Variants in DMXL1 observed in about 807,000 individuals in gnomAD.
DMXL1 encodes dmX-like protein 1.
Under a neutral mutation model 319.2 loss-of-function variants are expected in DMXL1, and 99 were observed. The observed-to-expected ratio is 0.31, with a 90% CI of 0.26 to 0.37. DMXL1 has a LOEUF of 0.37. Among genes scored for constraint, DMXL1 ranks in the 10% least tolerant of loss-of-function variants. DMXL1 has a pLI of 1.00. For missense variants in DMXL1, 3,745 were observed against 3,595.6 expected (o/e 1.04, Z -1.06); for synonymous variants, 1,385 against 1,235.2 (o/e 1.12, Z -2.54).
At chr5:119,118,378 A>T (rs1305343356) in intron 7 of DMXL1, among the ~76,000 whole-genome samples, 1 of 152,194 alleles carries the variant, frequency 6.6e-6, no homozygotes, top group Non-Finnish European at 1.5e-5. Flanking sequence ...TTATTAGAAG[A>T]TGTGGTTATT....
chr5:119,222,693 A>T (rs966749582), intron 37 of DMXL1, among the ~76,000 whole-genome samples: 1 of 152,138 alleles, frequency 6.6e-6, no homozygotes, highest in Admixed American at 6.5e-5. Flanking sequence ...AAAATTTCAG[A>T]TTTCCCAATA....
intron 29 of DMXL1, among the ~76,000 whole-genome samples, chr5:119,190,613 A>G (rs1198301067): frequency 6.6e-6 from 1 of 151,532 alleles, no homozygotes; most frequent in East Asian, 1.9e-4. Flanking sequence ...TGCATCCATA[A>G]AAAAAGTGAT....
intron 1 of DMXL1, among the ~76,000 whole-genome samples, chr5:119,079,665 T>G (rs1471095301): frequency 6.6e-6 from 1 of 151,824 alleles, no homozygotes; most frequent in African/African-American, 2.4e-5. Flanking sequence ...TGTACCTTGC[T>G]TTCTCTTTGG....
chr5:119,162,820 A>G (rs1028939023), intron 19 of DMXL1, among the ~76,000 whole-genome samples: 11 of 152,224 alleles, frequency 7.2e-5, no homozygotes, highest in Non-Finnish European at 2.9e-5. Context: ...ATAATAGTCC[A>G]TTCACAATGT....
chr5:119,081,173 T>A (rs1006299975), intron 1 of DMXL1, among the ~76,000 whole-genome samples: 1 of 152,144 alleles, frequency 6.6e-6, no homozygotes, highest in Non-Finnish European at 1.5e-5. Flanking sequence ...TCAGAAGAGC[T>A]CCAAGGACTA....
intron 19 of DMXL1, among the ~76,000 whole-genome samples, chr5:119,154,308 C>T (rs766529543): frequency 1.3e-5 from 2 of 152,196 alleles, no homozygotes; most frequent in African/African-American, 4.8e-5. Flanking sequence ...GAAAGCTAAG[C>T]CTCTTGTGCC....
chr5:119,108,773 T>A (rs1758913887), intron 4 of DMXL1, among the ~76,000 whole-genome samples: 1 of 151,974 alleles, frequency 6.6e-6, no homozygotes. Flanking sequence ...AATATTTGGT[T>A]GAGATCCTCA....
chr5:119,222,828 A>G (rs1784872011), intron 37 of DMXL1, among the ~76,000 whole-genome samples: 1 of 151,966 alleles, frequency 6.6e-6, no homozygotes, highest in Non-Finnish European at 1.5e-5. Flanking sequence ...TGTCTCTTGA[A>G]CTTATTAAGC....
intron 32 of DMXL1, 30 bp from the exon 33 acceptor site, chr5:119,203,289 T>G (rs1781153002): frequency 2.1e-6 from 3 of 1,407,746 alleles, no homozygotes; most frequent in East Asian, 4.8e-5. Context: ...TTCTGAAGTT[T>G]ATCATTAAAT....
rs771201006 is a variant in DMXL1 at position 119,170,602 on chromosome 5, G to C, written c.5811G>C (p.Glu1937Asp). The change falls in exon 24 of 44, where the codon GAG becomes GAC. Residue 1937 changes from glutamate to aspartate, a missense_variant. Physicochemically the swap from Glu to Asp is conservative, Grantham distance 45 (BLOSUM62 2). This residue lies in a region of DMXL1 where 1,382 missense variants were observed against 1,269.5 expected (regional missense o/e 1.09). Coordinates refer to ENST00000539542, the MANE Select transcript of DMXL1 (RefSeq NM_001290321.3). The part of the protein sequence containing the change: ...SLINGFGSSS[E>D]GSSEKQSNST... ...TAAATGGTTTTGGATCTTCTTCAGA[G>C]GGTTCCTCAGAGAAGCAATCAAACT... 6.2e-7 allele frequency: 1 copy of C among 1,613,768 alleles called. No individual in the cohort carries two copies. The highest frequency in any genetic ancestry group is 1.1e-5 in the South Asian group (1 of 91,046).
At chr5:119,105,990 T>TG (rs1758262747) in intron 4 of DMXL1, among the ~76,000 whole-genome samples, 3 of 152,182 alleles carry the variant, frequency 2.0e-5, no homozygotes, top group African/African-American at 7.2e-5. Flanking sequence ...ATGGATGGCT[T>TG]AAAACATCCA....
chr5:119,093,187 TTTTA>T (rs1218495009), intron 1 of DMXL1, among the ~76,000 whole-genome samples: 2 of 152,326 alleles, frequency 1.3e-5, no homozygotes, highest in East Asian at 3.9e-4. Context: ...TTCAAACTTT[TTTTA>T]TTATTATTTT....
chr5:119,101,705 T>A (rs1757316020), intron 2 of DMXL1, among the ~76,000 whole-genome samples: 1 of 152,184 alleles, frequency 6.6e-6, no homozygotes, highest in Non-Finnish European at 1.5e-5. Context: ...TTATGAACAC[T>A]GTAATGGAAA....
chr5:119,210,561 C>T (rs1184172399), intron 34 of DMXL1, among the ~76,000 whole-genome samples: 2 of 152,058 alleles, frequency 1.3e-5, no homozygotes, highest in Non-Finnish European at 2.9e-5. Context: ...CACTAAACTA[C>T]CTCTTTCACC....
chr5:119,142,785 C>G (rs1767702750), intron 13 of DMXL1, among the ~76,000 whole-genome samples: 1 of 152,024 alleles, frequency 6.6e-6, no homozygotes, highest in African/African-American at 2.4e-5. Context: ...TAGAATCAAC[C>G]CAAATGCCCA....
chr5:119,155,322 A>C (rs879906415), intron 19 of DMXL1, among the ~76,000 whole-genome samples: 1 of 152,204 alleles, frequency 6.6e-6, no homozygotes, highest in Non-Finnish European at 1.5e-5. Context: ...GAAAGGCTTC[A>C]CCATTCTAGA....
chr5:119,180,368 C>A (rs1776568035), intron 28 of DMXL1, among the ~76,000 whole-genome samples: 1 of 152,098 alleles, frequency 6.6e-6, no homozygotes, highest in African/African-American at 2.4e-5. Context: ...TTGTAAAATA[C>A]TGAAAATGTA....
intron 2 of DMXL1, among the ~76,000 whole-genome samples, chr5:119,098,442 T>G (rs1480526971): frequency 8.8e-6 from 1 of 114,046 alleles, no homozygotes; most frequent in African/African-American, 3.5e-5. Flanking sequence ...AGGAAATGAT[T>G]TAGAATATTT....
chr5:119,156,865 A>G (rs1248270334), intron 19 of DMXL1, among the ~76,000 whole-genome samples: 1 of 152,210 alleles, frequency 6.6e-6, no homozygotes, highest in African/African-American at 2.4e-5. Context: ...GATAATAGAC[A>G]TTCTAGCAGG....
Sources: allele counts gnomAD v4.1 joint callset (sites outside exome capture counted in the v4.1 genomes callset), GRCh38; gene constraint gnomAD v4.1.1; regional missense constraint gnomAD v4.1.1; transcripts MANE v1.5; gene names NCBI Gene and HGNC (gene_info 2026-07-23, HGNC 2026-07-21).